MTCH2: variants seen among roughly 807,000 people sequenced by gnomAD.
MTCH2 encodes mitochondrial carrier 2, also known as mitochondrial carrier homolog 2.
In MTCH2, 25 loss-of-function variants were observed where a neutral mutation model predicts 50.6. That is an observed-to-expected ratio of 0.49 (90% CI 0.36 to 0.69). The LOEUF (loss-of-function observed/expected upper bound fraction) is 0.69. Ranked by LOEUF, MTCH2 falls within the 30% of genes least tolerant of loss-of-function variation. MTCH2 has a pLI of 0.00. For synonymous variants in MTCH2, 106 were observed against 132.0 expected (o/e 0.80, Z 1.35); for missense variants, 273 against 384.4 (o/e 0.71, Z 2.42).
intron 5 of MTCH2, among the ~76,000 whole-genome samples, chr11:47,632,276 G>GT (rs1253627535): frequency 6.6e-6 from 1 of 151,880 alleles, no homozygotes; most frequent in Admixed American, 6.6e-5. Flanking sequence ...CTGTAAGGAA[G>GT]TAATAAAGAA....
Position 47,638,091 on chromosome 11 carries a change from A to C in MTCH2, c.279+608T>G, listed in dbSNP as rs562334054. On this transcript the variant is annotated intron_variant, in intron 3 of 12. Coordinates refer to ENST00000302503, the MANE Select transcript of MTCH2 (RefSeq NM_014342.4). The stretch of plus-strand genomic sequence containing the variant: ...ACCCTGTAATATTTCACTGGACTAC[A>C]TTTGGAACATATTCAGGGTACCTGG... Among the ~76,000 whole-genome samples the C allele has an allele frequency of 1.1e-3, 175 of 152,248 alleles. 1 individual carries two copies. The highest frequency in any genetic ancestry group is 4.1e-3 in the African/African-American group (171 of 41,548).
At chr11:47,635,943 C>A (rs1182721809) in intron 3 of MTCH2, among the ~76,000 whole-genome samples, 1 of 151,938 alleles carries the variant, frequency 6.6e-6, no homozygotes, top group Non-Finnish European at 1.5e-5. Context: ...GCCTGGCCAA[C>A]ATGGTGAAAC....
At position 47,642,532 on chromosome 11, in the gene MTCH2, G is replaced by A; in HGVS notation, c.-67C>T. 1 of 1,451,252 alleles carries A rather than the reference G, an allele frequency of 6.9e-7. No individual in the cohort carries two copies. The highest frequency in any genetic ancestry group is 1.5e-5 in the African/African-American group (1 of 68,804). The allele number at this position is 1,451,252 out of a possible 1,614,324, so 89.9% of individuals were successfully genotyped here. On this transcript the variant is annotated 5_prime_UTR_variant, in exon 1 of 13. Transcript: ENST00000302503. ...AAGCGACCCGGTGAGCCGGTCCTAG[G>A]TCACGTGCCAGGGCCGCCGGTTTCA...
intron 12 of MTCH2, 120 bp from the exon 13 acceptor site, chr11:47,619,039 T>C (rs1288215504): frequency 1.2e-6 from 1 of 815,068 alleles, no homozygotes; most frequent in African/African-American, 1.7e-5. Flanking sequence ...ACTGGGACTA[T>C]CACTACAGAA....
the MTCH2 span, among the ~76,000 whole-genome samples, chr11:47,608,804 A>C: frequency 8.4e-4 from 127 of 151,982 alleles, no homozygotes; most frequent in African/African-American, 3.0e-3. Flanking sequence ...TAAAAATACA[A>C]AAAATTAGCC....
downstream of MTCH2, among the ~76,000 whole-genome samples, chr11:47,613,983 G>A (rs2097286920): frequency 6.6e-6 from 1 of 152,138 alleles, no homozygotes; most frequent in South Asian, 2.1e-4. Flanking sequence ...CTACTTGGGA[G>A]AGTGAGAAAC....
chr11:47,632,946 C>G (rs1001976829), intron 5 of MTCH2, among the ~76,000 whole-genome samples: 1 of 151,770 alleles, frequency 6.6e-6, no homozygotes, highest in African/African-American at 2.4e-5. Context: ...GTGATCTGCC[C>G]GCCTCAGCCT....
chr11:47,608,827 G>A, the MTCH2 span, among the ~76,000 whole-genome samples: 1 of 151,480 alleles, frequency 6.6e-6, no homozygotes, highest in African/African-American at 2.4e-5. Context: ...GCGTGGTGGT[G>A]GGCACCTGTA....
chr11:47,630,465 C>T, intron 8 of MTCH2, 90 bp downstream of exon 8: 3 of 1,160,884 alleles, frequency 2.6e-6, no homozygotes, highest in Non-Finnish European at 3.9e-6. Context: ...GTACGTTTTC[C>T]CCAAGGATTA....
intron 3 of MTCH2, among the ~76,000 whole-genome samples, chr11:47,636,553 G>C (rs1028189426): frequency 6.6e-6 from 1 of 151,770 alleles, no homozygotes; most frequent in African/African-American, 2.4e-5. Flanking sequence ...CTGACATGGC[G>C]AAACCCCCTC....
chr11:47,639,572 T>C (rs2097312035), intron 1 of MTCH2, among the ~76,000 whole-genome samples: 1 of 152,196 alleles, frequency 6.6e-6, no homozygotes, highest in South Asian at 2.1e-4. Flanking sequence ...GCGCAGTGGC[T>C]CATGCCTTGT....
chr11:47,632,338 G>T (rs918034000), intron 5 of MTCH2, among the ~76,000 whole-genome samples: 1 of 151,558 alleles, frequency 6.6e-6, no homozygotes, highest in Non-Finnish European at 1.5e-5. Context: ...ATGTAAGCAG[G>T]TCTACCATTG....
chr11:47,604,427 A>C, the MTCH2 span, among the ~76,000 whole-genome samples: 1 of 152,236 alleles, frequency 6.6e-6, no homozygotes, highest in Non-Finnish European at 1.5e-5. Context: ...GTAAAATGAC[A>C]CAATTGGACA....
At chr11:47,641,907 A>C (rs2153801445) in intron 1 of MTCH2, among the ~76,000 whole-genome samples, 1 of 151,556 alleles carries the variant, frequency 6.6e-6, no homozygotes, top group South Asian at 2.1e-4. Flanking sequence ...CATAAAAAGA[A>C]AAAAAAAAGG....
Position 47,629,007 on chromosome 11 carries a change from C to T in MTCH2, c.579G>A (p.Leu193=), listed in dbSNP as rs2097300609. 6.2e-7 allele frequency: 1 copy of T among 1,613,788 alleles called. No individual in the cohort carries two copies. The highest frequency in any genetic ancestry group is 8.5e-7 in the Non-Finnish European group (1 of 1,179,982). Residue 193 remains leucine, a synonymous_variant, in exon 9 of 13, where the codon TTG becomes TTA. Transcript: ENST00000302503. ...GGTAGGCCAGTGAGTTACACAGCCA[C>T]AAAGAAAGGATGTCACCTAGAAGGC... ...VPRLLGDILS[L]WLCNSLAYLV...
chr11:47,615,427 G>C (rs2097287828), downstream of MTCH2, among the ~76,000 whole-genome samples: 1 of 152,072 alleles, frequency 6.6e-6, no homozygotes, highest in African/African-American at 2.4e-5. Flanking sequence ...AGAGTTTGAA[G>C]GCACAGCCCT....
downstream of MTCH2, among the ~76,000 whole-genome samples, chr11:47,613,582 T>G (rs929548621): frequency 6.6e-6 from 1 of 152,220 alleles, no homozygotes; most frequent in African/African-American, 2.4e-5. Context: ...ATCCTTGCCA[T>G]ACAGTAACTT....
rs2097307743 is a variant in MTCH2, at chr11:47,635,560, C to A, written c.291G>T (p.Glu97Asp). 1 of 1,613,422 alleles carries A rather than the reference C, an allele frequency of 6.2e-7. No homozygotes were observed. The highest frequency in any genetic ancestry group is 2.2e-5 in the East Asian group (1 of 44,864). ...VHGKVLQHYQ[E>D]SDKGEELGPG... ...TCCAACATACCTCACCCTTGTCACT[C>A]TCCTGGTAATGCTATAGAAAAAAAG... The change falls in exon 4 of 13, where the codon GAG becomes GAT. Residue 97 changes from glutamate (E) to aspartate (D), a missense_variant. This residue lies in a region of MTCH2 where 203 missense variants were observed against 244.3 expected (regional missense o/e 0.83). Coordinates refer to ENST00000302503, the MANE Select transcript of MTCH2 (RefSeq NM_014342.4).
In MTCH2 at chr11:47,642,492, A is replaced by G. The variant is rs1201992677; in HGVS notation, c.-27T>C. ...ATGGCACCCGCGGGCGGACGGACAGACAGACGGAGCCACCAAGCGACCCGG... is the reference window on the plus strand; with the variant it reads ...ATGGCACCCGCGGGCGGACGGACAGGCAGACGGAGCCACCAAGCGACCCGG... On this transcript the variant is annotated 5_prime_UTR_variant, in exon 1 of 13. Transcript: ENST00000302503. 1 of 1,499,712 alleles carries G rather than the reference A, an allele frequency of 6.7e-7. No homozygotes were observed. The highest frequency in any genetic ancestry group is 8.9e-7 in the Non-Finnish European group (1 of 1,127,870). 92.9% of individuals were successfully genotyped at this position (1,499,712 alleles called of 1,614,324 possible).
Sources: gnomAD v4.1 joint callset for allele counts (sites outside exome capture counted in the v4.1 genomes callset) on GRCh38, gnomAD v4.1.1 for gene constraint, gnomAD v4.1.1 regional missense constraint, MANE v1.5 for transcripts, NCBI Gene and HGNC (gene_info 2026-07-23, HGNC 2026-07-21) for gene names.